The following PDE11A variants were observed in gnomAD, a reference collection of about 807,000 sequenced individuals.
PDE11A encodes phosphodiesterase 11A.
A neutral mutation model predicts 100.5 loss-of-function variants in PDE11A; 100 were observed. The observed-to-expected ratio is 1.00, with a 90% confidence interval of 0.85 to 1.18. The LOEUF (loss-of-function observed/expected upper bound fraction) is 1.18. Ranked by LOEUF, PDE11A falls within the 50% of genes most tolerant of loss-of-function variation. The pLI is 0.00. For missense variants in PDE11A, 1,141 were observed against 1,152.6 expected (o/e 0.99, Z 0.15); for synonymous variants, 381 against 420.8 (o/e 0.91, Z 1.16).
chr2:177,822,288 T>G (rs1207607882), intron 6 of PDE11A, among the ~76,000 whole-genome samples: 4 of 151,812 alleles, frequency 2.6e-5, no homozygotes, highest in Non-Finnish European at 5.9e-5. Context: ...GGAGTCAAAA[T>G]TTCTTTTTTT....
chr2:177,765,708 G>A (rs2082229937), intron 10 of PDE11A, among the ~76,000 whole-genome samples: 1 of 152,180 alleles, frequency 6.6e-6, no homozygotes, highest in African/African-American at 2.4e-5. Flanking sequence ...CTGAGAACAT[G>A]GATCCATGGG....
chr2:178,042,752 C>T (rs919323017), intron 1 of PDE11A, among the ~76,000 whole-genome samples: 3 of 152,170 alleles, frequency 2.0e-5, no homozygotes, highest in Non-Finnish European at 4.4e-5. Flanking sequence ...AACTTGCAAG[C>T]ATTCAGGATA....
chr2:177,775,302 C>A (rs1280349333), intron 9 of PDE11A, among the ~76,000 whole-genome samples: 2 of 152,208 alleles, frequency 1.3e-5, no homozygotes, highest in African/African-American at 4.8e-5. Flanking sequence ...CCATTTCTCT[C>A]TCAGTCTTCC....
intron 2 of PDE11A, among the ~76,000 whole-genome samples, chr2:177,946,263 C>T (rs1159468601): frequency 2.9e-3 from 282 of 96,802 alleles, no homozygotes; most frequent in Middle Eastern, 6.1e-3. Flanking sequence ...CCAGCCGCCC[C>T]GTCCGGGAGG....
intron 9 of PDE11A, among the ~76,000 whole-genome samples, chr2:177,804,361 A>T (rs1304877506): frequency 6.6e-6 from 1 of 152,098 alleles, no homozygotes; most frequent in Non-Finnish European, 1.5e-5. Context: ...GAGAAATTCA[A>T]ATTAAAACCA....
At chr2:178,064,844 CT>C (rs80027041) in intron 1 of PDE11A, among the ~76,000 whole-genome samples, 22 of 150,334 alleles carry the variant, frequency 1.5e-4, no homozygotes, top group African/African-American at 3.7e-4. Context: ...TAGGTTTCCC[CT>C]TTTTTTTTCT....
chr2:177,839,789 A>G (rs961072147), intron 6 of PDE11A, among the ~76,000 whole-genome samples: 1 of 152,200 alleles, frequency 6.6e-6, no homozygotes, highest in Non-Finnish European at 1.5e-5. Flanking sequence ...GTTCATGTGA[A>G]TTTATCTGTA....
chr2:177,790,913 A>C (rs1257722343), intron 9 of PDE11A, among the ~76,000 whole-genome samples: 1 of 152,210 alleles, frequency 6.6e-6, no homozygotes, highest in Non-Finnish European at 1.5e-5. Context: ...ATGTGGAGAA[A>C]TAGGAACACT....
rs2082649630 is a variant in PDE11A at position 177,792,682 on chromosome 2, A to G, written c.1738-23309T>C. On this transcript the variant is annotated intron_variant, in intron 9 of 19. Transcript: ENST00000286063. ...GAAGTGACTCGTCACCATGGATGAA[A>G]TAAAAATGCAAAGGGCAATTTCCAA... 4.6e-5 allele frequency among the ~76,000 whole-genome samples: 7 copies of G among 152,176 alleles called. No homozygotes were observed. In the South Asian group the frequency reaches 1.5e-3, roughly 32 times the overall value.
Position 177,851,505 on chromosome 2 carries a change from T to C in PDE11A, c.1368-11122A>G, listed in dbSNP as rs188483768. Among the ~76,000 whole-genome samples, 1,086 of 152,270 alleles carry C rather than the reference T, an allele frequency of 7.1e-3. 13 individuals are homozygous for C. The highest frequency in any genetic ancestry group is 0.024 in the African/African-American group (1,011 of 41,526). On this transcript the variant is annotated intron_variant, in intron 5 of 19. Transcript: ENST00000286063. ...ACATATGTAACAAACCTGCACGTTG[T>C]GCACATGTACCCTAGAACTTAAAGT...
chr2:177,732,727 A>C (rs1169305477), intron 10 of PDE11A, among the ~76,000 whole-genome samples: 2 of 152,244 alleles, frequency 1.3e-5, no homozygotes, highest in African/African-American at 4.8e-5. Context: ...CCTCTGGTTC[A>C]CCAAGACCCA....
intron 2 of PDE11A, chr2:177,922,855 A>G: frequency 1.0e-6 from 1 of 981,674 alleles, no homozygotes; most frequent in Non-Finnish European, 1.2e-6. Flanking sequence ...GTCACAATAG[A>G]TTATCCATGC....
chr2:177,807,640 G>T (rs369659401), intron 9 of PDE11A, among the ~76,000 whole-genome samples: 24 of 152,166 alleles, frequency 1.6e-4, no homozygotes, highest in African/African-American at 5.8e-4. Flanking sequence ...TGCCCAGGCT[G>T]GTCTTGAACT....
intron 14 of PDE11A, 78 bp downstream of exon 14, chr2:177,701,043 C>T: frequency 1.2e-6 from 1 of 839,960 alleles, no homozygotes; most frequent in Non-Finnish European, 2.1e-6. Context: ...ACCTGTGGCA[C>T]CACAAAGGAA....
intron 2 of PDE11A, among the ~76,000 whole-genome samples, chr2:177,916,002 C>T (rs1382339935): frequency 6.6e-6 from 1 of 152,192 alleles, no homozygotes; most frequent in Non-Finnish European, 1.5e-5. Context: ...TCCCAATTAC[C>T]CGAACATGAA....
intron 2 of PDE11A, among the ~76,000 whole-genome samples, chr2:178,003,474 C>T (rs936460222): frequency 6.6e-6 from 1 of 151,978 alleles, no homozygotes; most frequent in African/African-American, 2.4e-5. Context: ...TTATATGGCT[C>T]TATTTATATG....
At chr2:177,839,027 T>C (rs764853329) in intron 6 of PDE11A, among the ~76,000 whole-genome samples, 1 of 152,096 alleles carries the variant, frequency 6.6e-6, no homozygotes, top group African/African-American at 2.4e-5. Context: ...GAATAGAAAA[T>C]ACATGGAAAA....
intron 1 of PDE11A, among the ~76,000 whole-genome samples, chr2:178,024,729 G>A (rs1023295085): frequency 6.6e-6 from 1 of 152,134 alleles, no homozygotes; most frequent in Non-Finnish European, 1.5e-5. Flanking sequence ...CAAACCAATA[G>A]ATTGCCAAAC....
At chr2:177,864,063 C>A (rs1357153100) in intron 5 of PDE11A, among the ~76,000 whole-genome samples, 1 of 151,804 alleles carries the variant, frequency 6.6e-6, no homozygotes, top group Non-Finnish European at 1.5e-5. Context: ...CATGGATAAG[C>A]CTGGAGGACA....
Sources: gnomAD v4.1 joint callset for allele counts (sites outside exome capture counted in the v4.1 genomes callset) on GRCh38, gnomAD v4.1.1 for gene constraint, MANE v1.5 for transcripts, NCBI Gene and HGNC (gene_info 2026-07-23, HGNC 2026-07-21) for gene names.